Variants in ZDHHC21 observed in about 807,000 individuals in gnomAD.
ZDHHC21 encodes the protein palmitoyltransferase ZDHHC21.
In ZDHHC21, 15 loss-of-function variants were observed where a neutral mutation model predicts 34.6. That is an observed-to-expected ratio of 0.43 (90% confidence interval 0.29 to 0.67). ZDHHC21 has a LOEUF of 0.67. Among genes scored for constraint, ZDHHC21 ranks in the 30% least tolerant of loss-of-function variants. ZDHHC21 has a pLI of 0.14. For missense variants in ZDHHC21, 344 were observed against 327.7 expected (o/e 1.05, Z -0.38); for synonymous variants, 142 against 101.8 (o/e 1.40, Z -2.38).
At chr9:14,676,163 T>C (rs1280490740) in intron 3 of ZDHHC21, among the ~76,000 whole-genome samples, 1 of 152,000 alleles carries the variant, frequency 6.6e-6, no homozygotes, top group Non-Finnish European at 1.5e-5. Flanking sequence ...AGAGGTCCAT[T>C]AGGCTAAGAG....
intron 5 of ZDHHC21, among the ~76,000 whole-genome samples, chr9:14,665,697 C>G (rs28821240): frequency 0.24 from 32,874 of 135,322 alleles, 4,428 homozygotes; most frequent in East Asian, 0.32. Context: ...CAATATTCAA[C>G]ATTCTTAAAG....
chr9:14,638,311 G>C (rs912087177), intron 8 of ZDHHC21, among the ~76,000 whole-genome samples: 2 of 152,030 alleles, frequency 1.3e-5, no homozygotes, highest in South Asian at 4.1e-4. Flanking sequence ...TACATGAGAA[G>C]TGCTGGGAAA....
At chr9:14,676,715 T>G (rs140625840) in intron 3 of ZDHHC21, among the ~76,000 whole-genome samples, 2 of 152,084 alleles carry the variant, frequency 1.3e-5, no homozygotes, top group East Asian at 1.9e-4. Context: ...GGATAAAGCA[T>G]GCTATTTAAT....
intron 7 of ZDHHC21, among the ~76,000 whole-genome samples, chr9:14,647,480 A>C (rs1830456231): frequency 6.6e-6 from 1 of 152,160 alleles, no homozygotes. Context: ...TTACAATTTC[A>C]AGTATGTCAC....
chr9:14,602,814 T>TCGGGAGGCTGAGG, the ZDHHC21 span, among the ~76,000 whole-genome samples: 1 of 151,048 alleles, frequency 6.6e-6, no homozygotes, highest in Non-Finnish European at 1.5e-5. Flanking sequence ...TCCCAGCCAC[T>TCGGGAGGCTGAGG]CGGGAGGCTG....
In ZDHHC21 at chr9:14,614,360, T is replaced by C. The variant is rs1050774939; in HGVS notation, c.*4606A>G. 14 of 151,800 alleles carry C rather than the reference T, an allele frequency of 9.2e-5. No individual in the cohort carries two copies. Among genetic ancestry groups the C allele is most frequent in the African/African-American group, 3.4e-4 (14 of 41,428 alleles). 9.4% of individuals were successfully genotyped at this position (151,800 alleles called of 1,614,324 possible). On this transcript the variant is annotated 3_prime_UTR_variant, in exon 10 of 10. Transcript: ENST00000380916. ...AATTAGCAGGCAGTATTGTAACATC[T>C]GAAGAACTGACAAAGATATAGTGAG...
chr9:14,680,436 T>A (rs1235220763), intron 2 of ZDHHC21, among the ~76,000 whole-genome samples: 1 of 152,188 alleles, frequency 6.6e-6, no homozygotes, highest in Non-Finnish European at 1.5e-5. Flanking sequence ...AAGCATTATA[T>A]GTCCAGTATT....
chr9:14,607,675 G>A (rs1365869493), downstream of ZDHHC21, among the ~76,000 whole-genome samples: 1 of 151,958 alleles, frequency 6.6e-6, no homozygotes, highest in South Asian at 2.1e-4. Context: ...GAAGGGTTAT[G>A]TAAATTTTAA....
At chr9:14,632,082 C>CA (rs956135804) in intron 8 of ZDHHC21, among the ~76,000 whole-genome samples, 3 of 151,816 alleles carry the variant, frequency 2.0e-5, no homozygotes, top group African/African-American at 7.3e-5. Flanking sequence ...CACACACACA[C>CA]ACACACACTA....
chr9:14,626,038 C>T (rs548823601), intron 8 of ZDHHC21, among the ~76,000 whole-genome samples: 3 of 151,952 alleles, frequency 2.0e-5, no homozygotes, highest in Admixed American at 1.3e-4. Flanking sequence ...AAATAAGTCT[C>T]GCACTAATCA....
intron 7 of ZDHHC21, among the ~76,000 whole-genome samples, chr9:14,646,853 T>C (rs961444311): frequency 6.6e-6 from 1 of 152,178 alleles, no homozygotes; most frequent in East Asian, 1.9e-4. Context: ...TCTATTTATT[T>C]GTTGTTTTGT....
At chr9:14,622,157 A>T (rs957524178) in intron 8 of ZDHHC21, among the ~76,000 whole-genome samples, 1 of 152,124 alleles carries the variant, frequency 6.6e-6, no homozygotes, top group East Asian at 1.9e-4. Context: ...TGATCAAAAT[A>T]TCTAAGACTT....
intron 8 of ZDHHC21, 27 bp downstream of exon 8, chr9:14,639,869 G>A (rs772729956): frequency 1.0e-5 from 13 of 1,298,752 alleles, no homozygotes; most frequent in Non-Finnish European, 6.5e-6. Flanking sequence ...ATTCATAAAT[G>A]TTACTTTACA....
At chr9:14,640,626 A>G (rs539564195) in intron 7 of ZDHHC21, among the ~76,000 whole-genome samples, 1 of 152,294 alleles carries the variant, frequency 6.6e-6, no homozygotes, top group South Asian at 2.1e-4. Flanking sequence ...TGTATAAATG[A>G]TAAAAATATG....
intron 8 of ZDHHC21, among the ~76,000 whole-genome samples, chr9:14,639,105 C>T (rs1336227419): frequency 1.3e-5 from 2 of 151,994 alleles, no homozygotes; most frequent in African/African-American, 2.4e-5. Flanking sequence ...GGAAATCAAC[C>T]TAAGTGTCTA....
chr9:14,631,380 C>A (rs1055923488), intron 8 of ZDHHC21, among the ~76,000 whole-genome samples: 1 of 152,178 alleles, frequency 6.6e-6, no homozygotes, highest in Non-Finnish European at 1.5e-5. Context: ...GGGCCTTGCT[C>A]TGGATTAGGC....
At chr9:14,672,792 C>G (rs1166244889) in intron 5 of ZDHHC21, 38 bp downstream of exon 5, 9 of 1,373,792 alleles carry the variant, frequency 6.6e-6, no homozygotes, top group East Asian at 2.3e-5. Flanking sequence ...GACAGTAATT[C>G]TGGCATCAGC....
At chr9:14,591,290 A>G in the ZDHHC21 span, among the ~76,000 whole-genome samples, 21 of 152,076 alleles carry the variant, frequency 1.4e-4, no homozygotes, top group African/African-American at 5.1e-4. Context: ...CCTTTAGGAG[A>G]TTATTAGGTC....
intron 8 of ZDHHC21, among the ~76,000 whole-genome samples, chr9:14,621,601 T>C (rs10961622): frequency 0.38 from 57,311 of 151,962 alleles, 11,292 homozygotes; most frequent in Non-Finnish European, 0.44. Flanking sequence ...AGGCTATTTT[T>C]TTTCCTCTAG....
Sources: allele counts gnomAD v4.1 joint callset (sites outside exome capture counted in the v4.1 genomes callset), GRCh38; gene constraint gnomAD v4.1.1; transcripts MANE v1.5; gene names NCBI Gene and HGNC (gene_info 2026-07-23, HGNC 2026-07-21).